NELL1: variants seen among roughly 807,000 people sequenced by gnomAD.
NELL1 encodes protein kinase C-binding protein NELL1.
Under a neutral mutation model 107.4 loss-of-function variants are expected in NELL1, and 76 were observed. The ratio of observed to expected loss-of-function variants is 0.71; its 90% confidence interval spans 0.59 to 0.86. NELL1 has a LOEUF of 0.86. Among genes scored for constraint, NELL1 ranks in the 40% least tolerant of loss-of-function variants. NELL1 has a pLI of 0.00. For missense variants in NELL1, 1,024 were observed against 1,005.5 expected, an observed-to-expected ratio of 1.02 and a Z score of -0.25; for synonymous variants, 353 against 341.2, an observed-to-expected ratio of 1.03 and a Z score of -0.38.
At chr11:21,320,624 C>G (rs1281319720) in intron 14 of NELL1, among the ~76,000 whole-genome samples, 1 of 152,090 alleles carries the variant, frequency 6.6e-6, no homozygotes, top group African/African-American at 2.4e-5. Flanking sequence ...GCTGTTTATT[C>G]CATCAGGGCT....
chr11:20,786,449 A>T (rs1221525704), intron 3 of NELL1, among the ~76,000 whole-genome samples: 1 of 152,098 alleles, frequency 6.6e-6, no homozygotes, highest in Non-Finnish European at 1.5e-5. Flanking sequence ...GTCTCTTACC[A>T]CTAGGGAATA....
intron 13 of NELL1, among the ~76,000 whole-genome samples, chr11:21,184,275 T>C (rs1856887444): frequency 6.6e-6 from 1 of 151,848 alleles, no homozygotes; most frequent in African/African-American, 2.4e-5. Context: ...TGTTTTGTTT[T>C]GTTTTGTTTT....
intron 13 of NELL1, among the ~76,000 whole-genome samples, chr11:21,156,566 G>A (rs1856240158): frequency 6.6e-6 from 1 of 152,074 alleles, no homozygotes; most frequent in African/African-American, 2.4e-5. Flanking sequence ...TGTAGTCAGG[G>A]ACCAGGGTAC....
At chr11:21,438,116 A>G (rs967004484) in intron 15 of NELL1, among the ~76,000 whole-genome samples, 1 of 152,160 alleles carries the variant, frequency 6.6e-6, no homozygotes, top group Non-Finnish European at 1.5e-5. Context: ...CATCCTTTCA[A>G]TTCCAGATGC....
intron 2 of NELL1, among the ~76,000 whole-genome samples, chr11:20,773,878 A>G (rs1162151760): frequency 1.3e-5 from 2 of 152,156 alleles, no homozygotes; most frequent in South Asian, 2.1e-4. Context: ...CTTACCTGGA[A>G]GATTAAGTCC....
At chr11:20,746,609 T>C (rs199665145) in intron 2 of NELL1, among the ~76,000 whole-genome samples, 1 of 142,762 alleles carries the variant, frequency 7.0e-6, no homozygotes, top group Non-Finnish European at 1.5e-5. Flanking sequence ...CACACACACG[T>C]GGAATTGAAC....
In NELL1 at chr11:21,452,815, T is replaced by G. The variant is rs543822443; in HGVS notation, c.1646-81559T>G. ...AGCACTCAGTACTATAAATTACCTT[T>G]TAATCACTGGTCTCACAATATCCCA... On this transcript the variant is annotated intron_variant, in intron 15 of 19. Transcript: ENST00000357134. 7.6e-4 allele frequency among the ~76,000 whole-genome samples: 116 copies of G among 152,100 alleles called. 1 individual carries two copies. Among genetic ancestry groups the G allele is most frequent in the Non-Finnish European group, 1.2e-3 (84 of 67,884 alleles).
chr11:20,709,119 C>G (rs1028824944), intron 2 of NELL1, among the ~76,000 whole-genome samples: 1 of 151,884 alleles, frequency 6.6e-6, no homozygotes, highest in African/African-American at 2.4e-5. Flanking sequence ...GGTTGGGGAC[C>G]CCTTGTCTCG....
chr11:21,304,370 G>A (rs1314389317), intron 14 of NELL1, among the ~76,000 whole-genome samples: 1 of 151,974 alleles, frequency 6.6e-6, no homozygotes, highest in Non-Finnish European at 1.5e-5. Context: ...TTTCTCAGGA[G>A]TCAGAGACAG....
chr11:21,513,643 A>G (rs1214140323), intron 15 of NELL1, among the ~76,000 whole-genome samples: 1 of 152,212 alleles, frequency 6.6e-6, no homozygotes, highest in Non-Finnish European at 1.5e-5. Context: ...TGAAATTAAT[A>G]ATATTTAGGA....
At chr11:21,054,173 CT>C (rs1853562364) in intron 12 of NELL1, among the ~76,000 whole-genome samples, 1 of 149,030 alleles carries the variant, frequency 6.7e-6, no homozygotes, top group Admixed American at 6.6e-5. Context: ...GTGTTTCCCT[CT>C]CTTTTTTTCT....
chr11:20,736,091 C>G (rs1306917493), intron 2 of NELL1, among the ~76,000 whole-genome samples: 1 of 151,982 alleles, frequency 6.6e-6, no homozygotes, highest in Non-Finnish European at 1.5e-5. Context: ...CTTGAAGATG[C>G]AAAGATGAGC....
Position 20,679,891 on chromosome 11 carries a change from T to C in NELL1, c.184+1831T>C, listed in dbSNP as rs79050603. Among the ~76,000 whole-genome samples the C allele has an allele frequency of 6.2e-3, 943 of 152,280 alleles. 7 individuals are homozygous for C. Among genetic ancestry groups the C allele is most frequent in the African/African-American group, 0.022 (906 of 41,552 alleles). On this transcript the variant is annotated intron_variant, in intron 2 of 19. Coordinates refer to ENST00000357134, the MANE Select transcript of NELL1 (RefSeq NM_006157.5). ...TGTACTATGTACCTTATAAAAAACT[T>C]ACTGCTTGCTTTAGTTACTACTATT...
intron 3 of NELL1, among the ~76,000 whole-genome samples, chr11:20,839,661 T>C (rs956106589): frequency 6.6e-6 from 1 of 152,174 alleles, no homozygotes; most frequent in African/African-American, 2.4e-5. Flanking sequence ...AAAGAAGGCT[T>C]AGGGAAATGC....
At chr11:21,403,936 G>A (rs993995050) in intron 15 of NELL1, among the ~76,000 whole-genome samples, 9 of 150,334 alleles carry the variant, frequency 6.0e-5, no homozygotes, top group East Asian at 2.0e-4. Flanking sequence ...AGAGCGTTCC[G>A]TGACTTATGG....
chr11:21,252,188 A>G (rs1858656481), intron 14 of NELL1, among the ~76,000 whole-genome samples: 1 of 152,200 alleles, frequency 6.6e-6, no homozygotes, highest in South Asian at 2.1e-4. Flanking sequence ...ATTCGAACTC[A>G]GGTCTGACTT....
At chr11:20,970,088 C>CATCCATCCATCT (rs1491443816) in intron 12 of NELL1, among the ~76,000 whole-genome samples, 1 of 151,954 alleles carries the variant, frequency 6.6e-6, no homozygotes, top group African/African-American at 2.4e-5. Context: ...TCCATCCATC[C>CATCCATCCATCT]ATCCATCCGT....
chr11:20,863,596 CGGGAA>C (rs1407617163), intron 4 of NELL1, among the ~76,000 whole-genome samples: 4,757 of 150,080 alleles, frequency 0.032, 104 homozygotes, highest in Non-Finnish European at 0.051. Flanking sequence ...GGATGGCGGC[CGGGAA>C]GAGGCGGTCC....
At chr11:20,677,880 T>A (rs1854097943) in intron 1 of NELL1, 52 bp from the exon 2 acceptor site, 2 of 1,604,240 alleles carry the variant, frequency 1.2e-6, no homozygotes, top group Non-Finnish European at 1.7e-6. Context: ...AACCTCTGAA[T>A]GCTAGTAACA....
Sources: gnomAD v4.1 joint callset for allele counts (sites outside exome capture counted in the v4.1 genomes callset) on GRCh38, gnomAD v4.1.1 for gene constraint, MANE v1.5 for transcripts, NCBI Gene and HGNC (gene_info 2026-07-23, HGNC 2026-07-21) for gene names.